STAG2: variants seen among roughly 807,000 people sequenced by gnomAD.
STAG2 encodes the protein STAG2 cohesin complex component.
A neutral mutation model predicts 108.1 loss-of-function variants in STAG2; 14 were observed. The observed-to-expected ratio is 0.13, with a 90% CI of 0.09 to 0.20. The LOEUF (loss-of-function observed/expected upper bound fraction) is 0.20, where lower values mean the gene tolerates loss of function less well. Ranked by LOEUF, STAG2 falls within the 10% of genes least tolerant of loss-of-function variation. The pLI, the probability that STAG2 is intolerant of heterozygous loss-of-function variation, is 1.00. For synonymous variants in STAG2, 307 were observed against 302.7 expected, an observed-to-expected ratio of 1.01 and a Z score of -0.15; for missense variants, 440 against 940.9, an observed-to-expected ratio of 0.47 and a Z score of 6.96.
At chrX:124,085,580 A>G (rs1336228982) in intron 29 of STAG2, among the ~76,000 whole-genome samples, 1 of 110,133 alleles carries the variant, frequency 9.1e-6, no homozygotes, top group African/African-American at 3.3e-5. Flanking sequence ...TTCGAGAGCA[A>G]TCTGGCCAAC....
intron 1 of STAG2, among the ~76,000 whole-genome samples, chrX:123,973,079 A>G (rs1161347663): frequency 2.8e-5 from 3 of 108,372 alleles, no homozygotes; most frequent in Non-Finnish European, 5.7e-5. Flanking sequence ...GTAAAATAAA[A>G]TAAAAAAAAA....
chrX:123,967,119 A>T (rs2054131764), intron 1 of STAG2, among the ~76,000 whole-genome samples: 1 of 110,883 alleles, frequency 9.0e-6, no homozygotes. Flanking sequence ...TCCTGACCTC[A>T]GGTGATCCAC....
intron 23 of STAG2, among the ~76,000 whole-genome samples, chrX:124,066,811 A>G (rs1221319251): frequency 1.1e-5 from 1 of 89,871 alleles, no homozygotes; most frequent in African/African-American, 3.9e-5. Context: ...TTCATATTCA[A>G]GATCTCTCTA....
chrX:124,080,795 TGAC>T (rs2058937728), intron 27 of STAG2, among the ~76,000 whole-genome samples: 1 of 112,228 alleles, frequency 8.9e-6, no homozygotes, highest in Admixed American at 9.4e-5. Flanking sequence ...ATATCCATTT[TGAC>T]GACTATATAA....
At chrX:124,075,618 T>A (rs1386200443) in intron 25 of STAG2, among the ~76,000 whole-genome samples, 3 of 111,459 alleles carry the variant, frequency 2.7e-5, no homozygotes, top group African/African-American at 9.8e-5. Context: ...TAATTTCATT[T>A]GTAAAATCTG....
chrX:124,088,209 A>G (rs2059154379), intron 30 of STAG2, among the ~76,000 whole-genome samples: 2 of 110,569 alleles, frequency 1.8e-5, no homozygotes, highest in African/African-American at 6.6e-5. Flanking sequence ...ATGGAAACAC[A>G]TGAATGGGTA....
intron 14 of STAG2, 143 bp downstream of exon 14, chrX:124,056,378 T>A (rs1372480286): frequency 3.4e-6 from 1 of 293,629 alleles, no homozygotes; most frequent in Non-Finnish European, 5.6e-6. Context: ...CACATTTTAC[T>A]TTTTCCTTTA....
Position 124,021,448 on chromosome X carries a change from GAGCTTT to G in STAG2, c.-98+20_-98+25del, listed in dbSNP as rs912750528. Reference sequence around the variant, plus strand: ...AAGAGAAAGGTACACATAAGACTAAGAGCTTTAGACTTTAGCTTCAGCCTGTTTTCT... The same window carrying G: ...AAGAGAAAGGTACACATAAGACTAAGAGACTTTAGCTTCAGCCTGTTTTCT... On this transcript the variant is annotated intron_variant, in intron 2 of 34. Coordinates refer to ENST00000371145, the MANE Select transcript of STAG2 (RefSeq NM_001042750.2). 1 of 111,748 alleles carries G rather than the reference GAGCTTT, an allele frequency of 8.9e-6. No individual in the cohort carries two copies. Among genetic ancestry groups the G allele is most frequent in the African/African-American group, 3.3e-5 (1 of 30,748 alleles). 9.2% of individuals were successfully genotyped at this position (111,748 alleles called of 1,213,427 possible).
At chrX:124,009,447 A>AGGTAGGTAGGTAGGTAGGTAGG (rs1569502017) in intron 1 of STAG2, among the ~76,000 whole-genome samples, 1 of 91,420 alleles carries the variant, frequency 1.1e-5, no homozygotes, top group African/African-American at 3.9e-5. Context: ...AGGTAGGTAG[A>AGGTAGGTAGGTAGGTAGGTAGG]TAGATAGATA....
intron 5 of STAG2, among the ~76,000 whole-genome samples, chrX:124,031,944 G>T (rs1286600782): frequency 3.0e-5 from 3 of 100,803 alleles, no homozygotes; most frequent in East Asian, 3.2e-4. Flanking sequence ...TGGCCAGGCT[G>T]GTCTCAAACT....
intron 21 of STAG2, 32 bp from the exon 22 acceptor site, chrX:124,066,143 A>ATTTTTTTT (rs748906058): frequency 1.2e-5 from 7 of 590,490 alleles, no homozygotes; most frequent in East Asian, 4.6e-5. Context: ...ATAAAACTTA[A>ATTTTTTTT]TTTTTTTTTT....
intron 33 of STAG2, among the ~76,000 whole-genome samples, chrX:124,094,441 TTTTTA>T (rs1306357306): frequency 8.9e-6 from 1 of 111,736 alleles, no homozygotes; most frequent in Non-Finnish European, 1.9e-5. Context: ...TGAAAATCAA[TTTTTA>T]TTTAATTATG....
intron 14 of STAG2, among the ~76,000 whole-genome samples, chrX:124,056,485 G>A: frequency 9.1e-6 from 1 of 110,226 alleles, no homozygotes; most frequent in Non-Finnish European, 1.9e-5. Flanking sequence ...TGTAATCTCA[G>A]CACTTTGGGA....
At chrX:124,020,333 C>T (rs189884207) in intron 1 of STAG2, among the ~76,000 whole-genome samples, 85 of 112,064 alleles carry the variant, frequency 7.6e-4, no homozygotes, top group Non-Finnish European at 1.4e-3. Context: ...TGCTCAGAGA[C>T]GCAGACAGAT....
At chrX:124,077,526 A>G (rs1417976024) in intron 26 of STAG2, among the ~76,000 whole-genome samples, 7 of 112,005 alleles carry the variant, frequency 6.2e-5, no homozygotes, top group African/African-American at 3.2e-5. Flanking sequence ...TATAAGCCAA[A>G]TTAATAAAGT....
intron 1 of STAG2, among the ~76,000 whole-genome samples, chrX:123,965,915 C>G (rs1485396662): frequency 9.1e-6 from 1 of 109,671 alleles, no homozygotes; most frequent in African/African-American, 3.3e-5. Context: ...AGGAGGATCA[C>G]CTGAGCCCGG....
chrX:124,031,316 C>G (rs1009220593), intron 5 of STAG2, among the ~76,000 whole-genome samples, 191 bp downstream of exon 5: 1 of 111,028 alleles, frequency 9.0e-6, no homozygotes, highest in Admixed American at 9.6e-5. Context: ...TGTTTTGATT[C>G]ATTTTCTGCT....
chrX:123,969,952 GTTTTTTTT>G (rs749744551), intron 1 of STAG2, among the ~76,000 whole-genome samples: 8 of 39,162 alleles, frequency 2.0e-4, no homozygotes, highest in African/African-American at 4.3e-4. Context: ...CGGTCTTCCT[GTTTTTTTT>G]TTTTTTTTTT....
chrX:124,014,127 C>T (rs766222091), intron 1 of STAG2, among the ~76,000 whole-genome samples: 2 of 111,170 alleles, frequency 1.8e-5, no homozygotes, highest in African/African-American at 3.3e-5. Context: ...TACTATAATA[C>T]GCTTAAAAAT....
Sources: allele counts gnomAD v4.1 joint callset (sites outside exome capture counted in the v4.1 genomes callset), GRCh38; gene constraint gnomAD v4.1.1; transcripts MANE v1.5; gene names NCBI Gene and HGNC (gene_info 2026-07-23, HGNC 2026-07-21).